Variants in ST6GAL1 observed in about 807,000 individuals in gnomAD.
ST6GAL1 encodes ST6 beta-galactoside alpha-2,6-sialyltransferase 1.
Under a neutral mutation model 38.0 loss-of-function variants are expected in ST6GAL1, and 20 were observed. The ratio of observed to expected loss-of-function variants is 0.53; its 90% CI spans 0.37 to 0.77. The LOEUF is 0.77. Ranked by LOEUF, ST6GAL1 falls within the 30% of genes least tolerant of loss-of-function variation. The pLI is 0.00. For missense variants in ST6GAL1, 432 were observed against 496.4 expected (o/e 0.87, Z 1.23); for synonymous variants, 196 against 188.2 (o/e 1.04, Z -0.34).
At chr3:187,069,025 A>G (rs753842037) in intron 5 of ST6GAL1, among the ~76,000 whole-genome samples, 7 of 152,166 alleles carry the variant, frequency 4.6e-5, no homozygotes, top group Non-Finnish European at 1.0e-4. Context: ...CAACGTTCCC[A>G]GTGGAAGGAG....
intron 3 of ST6GAL1, among the ~76,000 whole-genome samples, chr3:187,039,541 A>C (rs558107897): frequency 6.6e-6 from 1 of 152,218 alleles, no homozygotes; most frequent in Non-Finnish European, 1.5e-5. Context: ...CAGAAAGGTG[A>C]TGCTGTCAGA....
At chr3:187,066,139 T>C (rs1719112982) in intron 5 of ST6GAL1, among the ~76,000 whole-genome samples, 1 of 152,192 alleles carries the variant, frequency 6.6e-6, no homozygotes, top group Admixed American at 6.5e-5. Flanking sequence ...GATGGTGAGC[T>C]GGGTGATTTT....
At chr3:186,959,095 A>G (rs1179744243) in intron 1 of ST6GAL1, among the ~76,000 whole-genome samples, 1 of 152,218 alleles carries the variant, frequency 6.6e-6, no homozygotes, top group Non-Finnish European at 1.5e-5. Flanking sequence ...TGCTGTAGAG[A>G]ACATATTAAC....
rs367590782 is a variant in ST6GAL1 at position 187,071,606 on chromosome 3, A to C, written c.706-1243A>C. Among the ~76,000 whole-genome samples, 25 of 151,430 alleles carry C rather than the reference A, an allele frequency of 1.7e-4. 1 individual carries two copies. The highest frequency in any genetic ancestry group is 3.3e-4 in the Admixed American group (5 of 15,198). On this transcript the variant is annotated intron_variant, in intron 5 of 7. Transcript: ENST00000169298. ...CTACTAAAAATACAAAAAAACCCCC[A>C]AAAAATTAGCCGGGCGTGGTGGCGG...
At chr3:186,965,693 G>A (rs572731446) in intron 2 of ST6GAL1, among the ~76,000 whole-genome samples, 1 of 152,314 alleles carries the variant, frequency 6.6e-6, no homozygotes, top group South Asian at 2.1e-4. Context: ...ATGGAGCACT[G>A]CTCAGGAGGC....
At chr3:187,020,069 C>A (rs191514941) in intron 2 of ST6GAL1, among the ~76,000 whole-genome samples, 1 of 152,110 alleles carries the variant, frequency 6.6e-6, no homozygotes, top group Non-Finnish European at 1.5e-5. Flanking sequence ...CAGGCTGAGG[C>A]GGGTGGATCA....
chr3:187,023,914 C>CT (rs1334092561), intron 2 of ST6GAL1, among the ~76,000 whole-genome samples: 2 of 151,250 alleles, frequency 1.3e-5, no homozygotes, highest in African/African-American at 4.9e-5. Context: ...AAGAATGAAC[C>CT]TATCGCATGA....
At chr3:187,011,962 T>C (rs759440139) in intron 2 of ST6GAL1, among the ~76,000 whole-genome samples, 4 of 152,218 alleles carry the variant, frequency 2.6e-5, no homozygotes, top group Non-Finnish European at 5.9e-5. Context: ...CATCTTACTC[T>C]CTGGAGCAGG....
intron 2 of ST6GAL1, among the ~76,000 whole-genome samples, chr3:186,964,674 T>A (rs1190795125): frequency 1.3e-5 from 2 of 152,230 alleles, no homozygotes; most frequent in Non-Finnish European, 2.9e-5. Flanking sequence ...TGCAAACTGC[T>A]TGTTAAAAAC....
At chr3:186,964,250 T>C (rs1715021977) in intron 2 of ST6GAL1, 1 of 152,214 alleles carries the variant, frequency 6.6e-6, no homozygotes, top group African/African-American at 2.4e-5. Context: ...ATACCTCCTC[T>C]GCTCTGCAAG....
intron 6 of ST6GAL1, chr3:187,073,873 C>T (rs1719469788): frequency 6.8e-6 from 2 of 295,132 alleles, no homozygotes; most frequent in Admixed American, 1.0e-4. Context: ...CTTTTCAGCT[C>T]TGAGAGTGTT....
intron 2 of ST6GAL1, chr3:187,022,008 A>C (rs188149344): frequency 6.6e-6 from 1 of 152,226 alleles, no homozygotes; most frequent in Non-Finnish European, 1.5e-5. Context: ...AGTAAATGTA[A>C]GTAGGGTGTT....
At chr3:187,051,426 CATAT>C in intron 5 of ST6GAL1, 80 bp downstream of exon 5, 11 of 1,290,538 alleles carry the variant, frequency 8.5e-6, no homozygotes, top group African/African-American at 1.5e-5. Flanking sequence ...CTACTGGGAG[CATAT>C]CTAGGCTGCC....
At chr3:187,033,079 A>T (rs1717807165) in intron 2 of ST6GAL1, among the ~76,000 whole-genome samples, 1 of 152,212 alleles carries the variant, frequency 6.6e-6, no homozygotes, top group Non-Finnish European at 1.5e-5. Context: ...TATTGCCCCC[A>T]AGAGTTTTGC....
At chr3:187,067,830 T>A (rs554931847) in intron 5 of ST6GAL1, among the ~76,000 whole-genome samples, 1 of 152,326 alleles carries the variant, frequency 6.6e-6, no homozygotes, top group East Asian at 1.9e-4. Flanking sequence ...TAGACAATTC[T>A]CTTGTCTCTC....
intron 2 of ST6GAL1, chr3:186,996,434 T>C (rs2108549469): frequency 6.6e-6 from 1 of 152,314 alleles, no homozygotes; most frequent in Admixed American, 6.5e-5. Flanking sequence ...AGATAGAGTG[T>C]AGGTGGTTAG....
intron 2 of ST6GAL1, among the ~76,000 whole-genome samples, chr3:187,011,138 A>G (rs1716943308): frequency 6.6e-6 from 1 of 152,172 alleles, no homozygotes; most frequent in Non-Finnish European, 1.5e-5. Context: ...AGCTGGGATT[A>G]CAGGCATATG....
At chr3:187,014,669 T>C (rs975143085) in intron 2 of ST6GAL1, among the ~76,000 whole-genome samples, 2 of 152,242 alleles carry the variant, frequency 1.3e-5, no homozygotes, top group Non-Finnish European at 2.9e-5. Context: ...ACTGGCATGA[T>C]TGCAATACAT....
intron 2 of ST6GAL1, among the ~76,000 whole-genome samples, chr3:187,031,360 C>T (rs1309766575): frequency 1.3e-5 from 2 of 152,110 alleles, no homozygotes; most frequent in Non-Finnish European, 2.9e-5. Context: ...TCTCAGTTTC[C>T]CTGTTTGTAA....
Sources: gnomAD v4.1 joint callset for allele counts (sites outside exome capture counted in the v4.1 genomes callset) on GRCh38, gnomAD v4.1.1 for gene constraint, MANE v1.5 for transcripts, NCBI Gene and HGNC (gene_info 2026-07-23, HGNC 2026-07-21) for gene names.